SNX32: variants seen among roughly 807,000 people sequenced by gnomAD.
SNX32 encodes sorting nexin 32, also known as sorting nexin-32.
Under a neutral mutation model 57.0 loss-of-function variants are expected in SNX32, and 58 were observed. The observed-to-expected ratio is 1.02, with a 90% CI of 0.82 to 1.27. The LOEUF (loss-of-function observed/expected upper bound fraction) is 1.27. SNX32 is among the 50% of genes most tolerant of loss of function. The probability of loss-of-function intolerance (pLI) is 0.00; values close to 1 mark genes in which losing one functional copy is unlikely to be tolerated. For synonymous variants in SNX32, 262 were observed against 220.4 expected (o/e 1.19, Z -1.67); for missense variants, 589 against 541.2 (o/e 1.09, Z -0.88).
Position 65,853,423 on chromosome 11 carries a change from C to T in SNX32, c.*88C>T, listed in dbSNP as rs1306296505. On this transcript the variant is annotated 3_prime_UTR_variant, in exon 13 of 13. Transcript: ENST00000308342. ...CTCTCTCCGGCAAGATGTCTCCTTC[C>T]CTAGCAGTGCCACTAGCCACACCCT... 1 of 1,328,840 alleles carries T rather than the reference C, an allele frequency of 7.5e-7. No individual in the cohort carries two copies. Among genetic ancestry groups the T allele is most frequent in the African/African-American group, 1.4e-5 (1 of 69,336 alleles). 82.3% of individuals were successfully genotyped at this position (1,328,840 alleles called of 1,614,324 possible).
intron 1 of SNX32, among the ~76,000 whole-genome samples, chr11:65,846,856 G>T (rs1215517718): frequency 1.3e-5 from 2 of 151,912 alleles, no homozygotes; most frequent in African/African-American, 4.8e-5. Context: ...GGTGGCGGGC[G>T]CCTGTAATCC....
At position 65,850,555 on chromosome 11, in the gene SNX32, G is replaced by A; in HGVS notation, c.498+1G>A. ...TGTGTTTTTGGAATATGGACAGGAT[G>A]TGAGCTGGGCCGAATCCCTGGGGTC... On this transcript the variant is annotated splice_donor_variant, in intron 5 of 12. Coordinates refer to ENST00000308342, the MANE Select transcript of SNX32 (RefSeq NM_152760.3). LOFTEE classifies it high-confidence loss of function. The A allele has an allele frequency of 6.2e-7, 1 of 1,604,574 alleles. No homozygotes were observed. The highest frequency in any genetic ancestry group is 8.5e-7 in the Non-Finnish European group (1 of 1,175,428).
chr11:65,851,365 G>C lies in SNX32; in HGVS notation c.747G>C (p.Leu249=), dbSNP rs1458979130. 2 of 1,614,168 alleles carry C rather than the reference G, an allele frequency of 1.2e-6. No individual in the cohort carries two copies. The highest frequency in any genetic ancestry group is 2.7e-5 in the African/African-American group (2 of 75,032). Reference sequence around the variant, plus strand: ...ATTATATCCCTATCTCAGCTGCGCTGAGCAGTCTGGGAACACAGGAAGTCA... The same window carrying C: ...ATTATATCCCTATCTCAGCTGCGCTCAGCAGTCTGGGAACACAGGAAGTCA... ...ADDYIPISAA[L]SSLGTQEVNQ... Residue 249 remains leucine (L), a synonymous_variant, in exon 8 of 13, where the codon CTG becomes CTC. Transcript: ENST00000308342.
intron 1 of SNX32, among the ~76,000 whole-genome samples, chr11:65,834,848 G>T (rs971917717): frequency 1.3e-5 from 2 of 150,344 alleles, no homozygotes; most frequent in Non-Finnish European, 3.0e-5. Context: ...GTATTTCTGG[G>T]TCTGTGTGTG....
intron 1 of SNX32, among the ~76,000 whole-genome samples, chr11:65,839,223 G>GTTTTTGTTTTTTTTTTT (rs755185237): frequency 4.3e-5 from 1 of 23,078 alleles, no homozygotes; most frequent in Non-Finnish European, 7.1e-5. Flanking sequence ...TAATTTTTTT[G>GTTTTTGTTTTTTTTTTT]TATTTTTTTT....
intron 1 of SNX32, among the ~76,000 whole-genome samples, chr11:65,839,322 C>T (rs1858769815): frequency 7.5e-6 from 1 of 133,952 alleles, no homozygotes; most frequent in South Asian, 2.5e-4. Context: ...CTCCGCCTCC[C>T]GGGTTCACGC....
intron 9 of SNX32, among the ~76,000 whole-genome samples, chr11:65,851,976 G>T (rs919342450): frequency 1.3e-5 from 2 of 152,156 alleles, no homozygotes; most frequent in Non-Finnish European, 2.9e-5. Context: ...CCAGCTGCCA[G>T]CACACTGCCC....
chr11:65,850,673 G>C, intron 5 of SNX32, 78 bp from the exon 6 acceptor site: 3 of 1,577,358 alleles, frequency 1.9e-6, no homozygotes, highest in Non-Finnish European at 2.6e-6. Flanking sequence ...CTGTGTCACA[G>C]CTCCGTGAGT....
chr11:65,850,510 C>T lies in SNX32; in HGVS notation c.454C>T (p.Arg152Cys), dbSNP rs764719974. Reference sequence around the variant, plus strand: ...GCGCCTGGCGGCCCACCCCACCCTGCGTCGAGACCACAACTTCTTTGTGTT... The same window carrying T: ...GCGCCTGGCGGCCCACCCCACCCTGTGTCGAGACCACAACTTCTTTGTGTT... ...LQRLAAHPTL[R>C]RDHNFFVFLE... Residue 152 changes from arginine (R) to cysteine (C), a missense_variant, in exon 5 of 13, where the codon CGT (arginine) becomes TGT (cysteine). Arg to Cys is a radical substitution (Grantham distance 180). Coordinates refer to ENST00000308342, the MANE Select transcript of SNX32 (RefSeq NM_152760.3). 5.0e-6 allele frequency: 8 copies of T among 1,613,654 alleles called. No homozygotes were observed. In the Admixed American group the frequency reaches 5.0e-5, roughly 10 times the overall value.
chr11:65,846,526 A>G (rs529562116), intron 1 of SNX32, among the ~76,000 whole-genome samples: 2 of 151,760 alleles, frequency 1.3e-5, no homozygotes, highest in South Asian at 4.2e-4. Flanking sequence ...AGATCGTGCC[A>G]TTGCACTCCA....
intron 1 of SNX32, among the ~76,000 whole-genome samples, chr11:65,838,636 C>T (rs1399630441): frequency 1.3e-5 from 2 of 152,126 alleles, no homozygotes; most frequent in African/African-American, 4.8e-5. Flanking sequence ...ATCTAATTGA[C>T]TTATGTAGAG....
At chr11:65,842,341 C>A (rs1858862645) in intron 1 of SNX32, among the ~76,000 whole-genome samples, 3 of 152,206 alleles carry the variant, frequency 2.0e-5, no homozygotes, top group South Asian at 4.1e-4. Flanking sequence ...ATACCTCACA[C>A]TGCATATTCA....
In SNX32 at chr11:65,852,776, C is replaced by T; in HGVS notation, c.1059C>T (p.Asp353=). 6.2e-7 allele frequency: 1 copy of T among 1,610,114 alleles called. No homozygotes were observed. The highest frequency in any genetic ancestry group is 1.3e-5 in the African/African-American group (1 of 74,998). Residue 353 remains aspartate (D), a synonymous_variant, in exon 11 of 13, where the codon GAC becomes GAT. Transcript: ENST00000308342. ...GCCAACGCTTCGAGCGCCTCTCCGACTCCGCCAAGCAAGGTGAGCCCGCAG... is the reference window on the plus strand; with the variant it reads ...GCCAACGCTTCGAGCGCCTCTCCGATTCCGCCAAGCAAGGTGAGCCCGCAG... The part of the protein sequence containing the change: ...LCCQRFERLS[D]SAKQELMDFK...
chr11:65,840,164 T>A (rs919904930), intron 1 of SNX32, among the ~76,000 whole-genome samples: 39 of 151,730 alleles, frequency 2.6e-4, no homozygotes, highest in Admixed American at 7.9e-4. Context: ...TCCAAAAAAA[T>A]AAATAAATAA....
chr11:65,834,370 AGT>A (rs1335689830), intron 1 of SNX32, among the ~76,000 whole-genome samples: 5 of 119,528 alleles, frequency 4.2e-5, no homozygotes, highest in East Asian at 5.0e-4. Context: ...TGTGTGTCTC[AGT>A]GTGTGTCTGT....
intron 1 of SNX32, among the ~76,000 whole-genome samples, chr11:65,841,382 G>A (rs1250608374): frequency 6.6e-6 from 1 of 151,820 alleles, no homozygotes; most frequent in Non-Finnish European, 1.5e-5. Context: ...GACTACCTGT[G>A]TTTGCCACCA....
chr11:65,848,177 G>A (rs1272053052), intron 1 of SNX32, among the ~76,000 whole-genome samples: 1 of 152,212 alleles, frequency 6.6e-6, no homozygotes, highest in African/African-American at 2.4e-5. Flanking sequence ...GAGGCCTCCA[G>A]ATTGAGAGGT....
At chr11:65,849,756 C>A in intron 2 of SNX32, 164 bp from the exon 3 acceptor site, 1 of 759,220 alleles carries the variant, frequency 1.3e-6, no homozygotes, top group Non-Finnish European at 2.2e-6. Context: ...GCCCCGAGTC[C>A]TAATCATTCC....
intron 1 of SNX32, among the ~76,000 whole-genome samples, chr11:65,847,020 T>TG (rs1235850228): frequency 6.6e-6 from 1 of 150,598 alleles, no homozygotes; most frequent in Non-Finnish European, 1.5e-5. Context: ...TTTTGTTTTT[T>TG]TTTTTTAGAC....
Sources: gnomAD v4.1 joint callset for allele counts (sites outside exome capture counted in the v4.1 genomes callset) on GRCh38, gnomAD v4.1.1 for gene constraint, MANE v1.5 for transcripts, NCBI Gene and HGNC (gene_info 2026-07-23, HGNC 2026-07-21) for gene names.